EVI2B: variants seen among roughly 807,000 people sequenced by gnomAD.
EVI2B encodes protein EVI2B.
In EVI2B, 4 loss-of-function variants were observed where a neutral mutation model predicts 6.6. The observed-to-expected ratio is 0.61, with a 90% CI of 0.30 to 1.39. The LOEUF is 1.39. Ranked by LOEUF, EVI2B falls within the 40% of genes most tolerant of loss-of-function variation. EVI2B has a pLI of 0.08. For synonymous variants in EVI2B, 181 were observed against 186.8 expected, an observed-to-expected ratio of 0.97 and a Z score of 0.25; for missense variants, 484 against 516.6, an observed-to-expected ratio of 0.94 and a Z score of 0.61.
At chr17:31,309,780 A>G (rs534606426) in intron 1 of EVI2B, among the ~76,000 whole-genome samples, 20 of 152,244 alleles carry the variant, frequency 1.3e-4, no homozygotes, top group Non-Finnish European at 2.2e-4. Flanking sequence ...ATAGGCTCCT[A>G]TCCTCTACTG....
In EVI2B at chr17:31,306,236, T is replaced by C. The variant is rs181649017; in HGVS notation, c.-21-606A>G. Among the ~76,000 whole-genome samples the C allele has an allele frequency of 2.2e-3, 333 of 152,284 alleles. 1 individual carries two copies. Among genetic ancestry groups the C allele is most frequent in the African/African-American group, 7.5e-3 (312 of 41,558 alleles). On this transcript the variant is annotated intron_variant, in intron 1 of 1. Coordinates refer to ENST00000330927, the MANE Select transcript of EVI2B (RefSeq NM_006495.4). ...GCCTCCTAAATATGGTTAATTGATA[T>C]TCTGTCCTCACCCTTACCTACTTTT...
intron 1 of EVI2B, among the ~76,000 whole-genome samples, chr17:31,308,149 T>TC (rs1218144744): frequency 6.6e-6 from 1 of 152,100 alleles, no homozygotes; most frequent in Non-Finnish European, 1.5e-5. Context: ...CTTTTTCTTT[T>TC]TTTTTTTGGA....
chr17:31,305,446 G>A lies in EVI2B; in HGVS notation c.164C>T (p.Pro55Leu). Residue 55 changes from proline (P) to leucine (L), a missense_variant, in exon 2 of 2, where the codon CCT becomes CTT. By Grantham distance (98) the Pro-to-Leu change is moderately conservative. Coordinates refer to ENST00000330927, the MANE Select transcript of EVI2B (RefSeq NM_006495.4). ...LANSQNTTGN[P>L]LGQPTQFSDT... ...GCTGAATTGTGTTGGTTGACCCAAA[G>A]GATTCCCTGTTGTGTTTTGAGAATT... is the stretch of plus-strand genomic sequence containing the variant. The A allele has an allele frequency of 6.2e-7, 1 of 1,614,190 alleles. No individual in the cohort carries two copies. The highest frequency in any genetic ancestry group is 8.5e-7 in the Non-Finnish European group (1 of 1,180,032).
chr17:31,312,837 C>A (rs1272844286), intron 1 of EVI2B, among the ~76,000 whole-genome samples: 1 of 150,104 alleles, frequency 6.7e-6, no homozygotes, highest in Non-Finnish European at 1.5e-5. Context: ...CCTGAAATTA[C>A]AAGTCTATGT....
At position 31,304,111 on chromosome 17, in the gene EVI2B, T is replaced by G; in HGVS notation, c.*152A>C. The G allele has an allele frequency of 2.9e-6, 2 of 678,816 alleles. No individual in the cohort carries two copies. The highest frequency in any genetic ancestry group is 4.7e-6 in the Non-Finnish European group (2 of 427,998). 42.0% of individuals were successfully genotyped at this position (678,816 alleles called of 1,614,324 possible). A position where few individuals can be genotyped will look rare whatever the true frequency, so the allele number is the denominator to read the frequency against. On this transcript the variant is annotated 3_prime_UTR_variant, in exon 2 of 2. Transcript: ENST00000330927. ...TAAATAACTTTTTTTAAAAAAAAGT[T>G]TCATCTATGCACATAGGCTCTGAGC...
rs566271932 is a variant in EVI2B at position 31,309,983 on chromosome 17, T to C, written c.-22+3996A>G. 2.6e-5 allele frequency among the ~76,000 whole-genome samples: 4 copies of C among 152,278 alleles called. No homozygotes were observed. The East Asian group carries it at 7.7e-4, about 29-fold the overall frequency. ...CTGTATTAGAATTCTATGATGGCAA[T>C]TCAGTGTAGTCCAGAGAAGGAGAAG... On this transcript the variant is annotated intron_variant, in intron 1 of 1. Coordinates refer to ENST00000330927, the MANE Select transcript of EVI2B (RefSeq NM_006495.4).
chr17:31,304,749 T>G lies in EVI2B; in HGVS notation c.861A>C (p.Leu287Phe). 1.2e-6 allele frequency: 2 copies of G among 1,614,220 alleles called. No homozygotes were observed. Among genetic ancestry groups the G allele is most frequent in the Non-Finnish European group, 1.7e-6 (2 of 1,180,034 alleles). ...CACTTGATTCAAACAACTTAATTTC[T>G]AAGTCATCTGCTAAAAGTGTGCTTT... Reference protein sequence around the residue: ...PSKSTLLADDLEIKLFESSEN... With the variant: ...PSKSTLLADDFEIKLFESSEN... The change falls in exon 2 of 2, where the codon TTA becomes TTC. Residue 287 changes from leucine to phenylalanine, a missense_variant. Transcript: ENST00000330927.
chr17:31,313,784 A>G (rs1346508733), intron 1 of EVI2B, among the ~76,000 whole-genome samples, 195 bp downstream of exon 1: 1 of 151,632 alleles, frequency 6.6e-6, no homozygotes, highest in African/African-American at 2.4e-5. Context: ...AAAAGGTCTT[A>G]TACAAACCTA....
At position 31,305,256 on chromosome 17, in the gene EVI2B, C is replaced by A; in HGVS notation, c.354G>T (p.Gln118His). The A allele has an allele frequency of 1.9e-6, 3 of 1,614,054 alleles. No homozygotes were observed. Among genetic ancestry groups the A allele is most frequent in the Non-Finnish European group, 2.5e-6 (3 of 1,180,010 alleles). ...QPTPIANTSS[Q>H]QAVFTSARQL... ...GTCTGGCAGAGGTGAACACGGCTTG[C>A]TGGGAGGAGGTGTTGGCTATTGGTG... The change falls in exon 2 of 2, where the codon CAG (glutamine) becomes CAT (histidine). Residue 118 changes from glutamine (Q) to histidine (H), a missense_variant. Gln to His is a conservative substitution (Grantham distance 24). Transcript: ENST00000330927.
At chr17:31,305,700 T>C in intron 1 of EVI2B, 70 bp from the exon 2 acceptor site, 1 of 1,303,626 alleles carries the variant, frequency 7.7e-7, no homozygotes, top group Non-Finnish European at 1.0e-6. Flanking sequence ...AATTTGACTT[T>C]TCATTATGAT....
chr17:31,307,998 T>C, intron 1 of EVI2B: 3 of 1,070,396 alleles, frequency 2.8e-6, no homozygotes. Flanking sequence ...TTTTTTTCCC[T>C]ATACGAATAA....
In EVI2B at chr17:31,304,130, T is replaced by A. The variant is rs2151508284; in HGVS notation, c.*133A>T. The A allele has an allele frequency of 1.1e-6, 1 of 898,722 alleles. No homozygotes were observed. Among genetic ancestry groups the A allele is most frequent in the Middle Eastern group, 3.4e-4 (1 of 2,930 alleles). The allele number at this position is 898,722 out of a possible 1,614,324, so 55.7% of individuals were successfully genotyped here. Reference sequence around the variant, plus strand: ...AAAAGTTTCATCTATGCACATAGGCTCTGAGCAGATTTCAGATAGTTCCTG... The same window carrying A: ...AAAAGTTTCATCTATGCACATAGGCACTGAGCAGATTTCAGATAGTTCCTG... On this transcript the variant is annotated 3_prime_UTR_variant, in exon 2 of 2. Coordinates refer to ENST00000330927, the MANE Select transcript of EVI2B (RefSeq NM_006495.4).
rs1597812765 is a variant in EVI2B, at chr17:31,313,982, A to G, written c.-25T>C. The G allele has an allele frequency of 2.5e-6, 1 of 398,120 alleles. No homozygotes were observed. The allele number at this position is 398,120 out of a possible 1,614,324, so 24.7% of individuals were successfully genotyped here. A position where few individuals can be genotyped will look rare whatever the true frequency, so the allele number is the denominator to read the frequency against. ...AATTGTGTGAAAATTTTCTTACCTCAGCTGTTAACTTCTTTTGCAGAATGC... is the reference window on the plus strand; with the variant it reads ...AATTGTGTGAAAATTTTCTTACCTCGGCTGTTAACTTCTTTTGCAGAATGC... On this transcript the variant is annotated 5_prime_UTR_variant, in exon 1 of 2. Coordinates refer to ENST00000330927, the MANE Select transcript of EVI2B (RefSeq NM_006495.4).
rs544471965 is a variant in EVI2B, at chr17:31,307,374, A to G, written c.-21-1744T>C. 2.6e-5 allele frequency among the ~76,000 whole-genome samples: 4 copies of G among 152,324 alleles called. 1 individual carries two copies. Among genetic ancestry groups the G allele is most frequent in the African/African-American group, 9.6e-5 (4 of 41,576 alleles). ...AAAAGTATGCAGGAGATGTACAGAG[A>G]AGTTAACCTAGCCTGGAAAGGCTTC... On this transcript the variant is annotated intron_variant, in intron 1 of 1. Transcript: ENST00000330927.
rs1490837875 is a variant in EVI2B at position 31,304,897 on chromosome 17, C to T, written c.713G>A (p.Trp238Ter). The T allele has an allele frequency of 1.9e-6, 3 of 1,614,000 alleles. No homozygotes were observed. Among genetic ancestry groups the T allele is most frequent in the Admixed American group, 1.7e-5 (1 of 59,996 alleles). Residue 238 changes from tryptophan to a stop codon, truncating the protein, a stop_gained, in exon 2 of 2, where the codon TGG becomes TAG. Transcript: ENST00000330927. LOFTEE classifies it high-confidence loss of function. ...ATCAGCAAATGGAGATCTACCTGCC[C>T]AATTTTGATCATTTAAAACTGGTTT... ...LRKPVLNDQN[W>*]AGRSPFADGE...
chr17:31,310,783 T>C (rs902203601), intron 1 of EVI2B, among the ~76,000 whole-genome samples: 2 of 152,200 alleles, frequency 1.3e-5, no homozygotes, highest in Non-Finnish European at 2.9e-5. Context: ...TGCCGGTTTT[T>C]ACTCATTATT....
intron 1 of EVI2B, among the ~76,000 whole-genome samples, chr17:31,310,408 GAA>G (rs2068838868): frequency 2.6e-5 from 4 of 151,708 alleles, no homozygotes; most frequent in Admixed American, 2.0e-4. Context: ...GTAGATGATT[GAA>G]GTAGGCAAAA....
chr17:31,305,735 T>C, intron 1 of EVI2B, 105 bp from the exon 2 acceptor site: 1 of 912,596 alleles, frequency 1.1e-6, no homozygotes, highest in Non-Finnish European at 1.6e-6. Context: ...AGGTAGACAT[T>C]ATTCCTAATT....
intron 1 of EVI2B, among the ~76,000 whole-genome samples, chr17:31,311,108 A>C (rs1336398057): frequency 6.6e-6 from 1 of 151,580 alleles, no homozygotes; most frequent in East Asian, 1.9e-4. Flanking sequence ...GCACTACACC[A>C]CGCCCAACTA....
Sources: gnomAD v4.1 joint callset for allele counts (sites outside exome capture counted in the v4.1 genomes callset) on GRCh38, gnomAD v4.1.1 for gene constraint, MANE v1.5 for transcripts, NCBI Gene and HGNC (gene_info 2026-07-23, HGNC 2026-07-21) for gene names.